The following ANO3 variants were observed in gnomAD, a reference collection of about 807,000 sequenced individuals.
ANO3 encodes anoctamin-3.
A neutral mutation model predicts 144.8 loss-of-function variants in ANO3; 99 were observed. The observed-to-expected ratio is 0.68, with a 90% CI of 0.58 to 0.81. ANO3 has a LOEUF of 0.81. ANO3 is among the 30% of genes least tolerant of loss of function. The pLI is 0.00. For synonymous variants in ANO3, 414 were observed against 392.6 expected (o/e 1.05, Z -0.64); for missense variants, 905 against 1,202.2 (o/e 0.75, Z 3.66).
Position 26,204,629 on chromosome 11 carries a change from C to T in ANO3, c.154+15299C>T, listed in dbSNP as rs115717451. 7.2e-3 allele frequency among the ~76,000 whole-genome samples: 1,089 copies of T among 152,234 alleles called. 13 individuals carry two copies. The highest frequency in any genetic ancestry group is 0.025 in the African/African-American group (1,032 of 41,542). On this transcript the variant is annotated intron_variant, in intron 1 of 27. Transcript: ENST00000672621. ...CCTCCTCCTTGCAGTCACACTCACT[C>T]TCTGGAGTAGTTTTCCTGATGCTGC...
intron 1 of ANO3, among the ~76,000 whole-genome samples, chr11:26,358,868 C>T (rs565688749): frequency 1.2e-4 from 18 of 152,158 alleles, no homozygotes; most frequent in Non-Finnish European, 2.6e-4. Flanking sequence ...GTCATTAATC[C>T]TATCCAGTGT....
At chr11:26,297,308 T>C (rs1422918008) in intron 1 of ANO3, among the ~76,000 whole-genome samples, 1 of 89,570 alleles carries the variant, frequency 1.1e-5, no homozygotes, top group Non-Finnish European at 2.0e-5. Context: ...TTCACTTTAT[T>C]AGTGAGCATT....
At chr11:26,289,787 A>C (rs1853911981) in intron 1 of ANO3, among the ~76,000 whole-genome samples, 1 of 146,722 alleles carries the variant, frequency 6.8e-6, no homozygotes, top group African/African-American at 2.5e-5. Context: ...GTATAATGCC[A>C]GTATATATAT....
At chr11:26,410,860 G>A (rs1324520622) in intron 1 of ANO3, among the ~76,000 whole-genome samples, 1 of 152,078 alleles carries the variant, frequency 6.6e-6, no homozygotes, top group East Asian at 1.9e-4. Flanking sequence ...TGTTAGAGGA[G>A]TATCAGTCAT....
intron 4 of ANO3, among the ~76,000 whole-genome samples, chr11:26,486,099 C>T (rs1483259010): frequency 6.6e-6 from 1 of 152,044 alleles, no homozygotes; most frequent in East Asian, 1.9e-4. Context: ...CGCGATGGCT[C>T]ATGCCTGTAA....
At chr11:26,401,340 T>C (rs1363145301) in intron 1 of ANO3, among the ~76,000 whole-genome samples, 1 of 152,014 alleles carries the variant, frequency 6.6e-6, no homozygotes, top group East Asian at 1.9e-4. Context: ...TCATTCTCTG[T>C]CATGACCTTA....
At chr11:26,463,742 A>G (rs1859500079) in intron 4 of ANO3, among the ~76,000 whole-genome samples, 1 of 151,882 alleles carries the variant, frequency 6.6e-6, no homozygotes, top group African/African-American at 2.4e-5. Flanking sequence ...CATCCCTCAA[A>G]CAAAATGCTT....
At chr11:26,460,217 A>G in intron 3 of ANO3, 3 of 353,692 alleles carry the variant, frequency 8.5e-6, no homozygotes, top group South Asian at 4.4e-5. Flanking sequence ...TACTTCTGTT[A>G]TATATTTTTT....
At chr11:26,397,545 A>G (rs1443614167) in intron 1 of ANO3, among the ~76,000 whole-genome samples, 2 of 152,140 alleles carry the variant, frequency 1.3e-5, no homozygotes, top group Non-Finnish European at 2.9e-5. Flanking sequence ...AATATTTTGT[A>G]TAATTTTTGT....
At chr11:26,648,689 G>GT (rs1853427784) in intron 24 of ANO3, among the ~76,000 whole-genome samples, 1 of 152,190 alleles carries the variant, frequency 6.6e-6, no homozygotes, top group Non-Finnish European at 1.5e-5. Flanking sequence ...GGGGAAAAAT[G>GT]TAAGAGGGCA....
At chr11:26,642,353 T>C (rs1456981208) in intron 22 of ANO3, among the ~76,000 whole-genome samples, 1 of 144,404 alleles carries the variant, frequency 6.9e-6, no homozygotes, top group African/African-American at 2.6e-5. Flanking sequence ...TTTTTTTTTT[T>C]TTTTTTTTTT....
intron 1 of ANO3, among the ~76,000 whole-genome samples, chr11:26,360,294 A>G (rs926548425): frequency 2.0e-5 from 3 of 149,732 alleles, no homozygotes; most frequent in African/African-American, 7.4e-5. Context: ...ATATTCATGG[A>G]TCCATGGCTG....
chr11:26,631,477 A>T (rs181387957), intron 18 of ANO3, among the ~76,000 whole-genome samples: 96 of 152,278 alleles, frequency 6.3e-4, no homozygotes, highest in African/African-American at 2.2e-3. Context: ...AATTTTTAAA[A>T]GTGTGTTTGT....
At chr11:26,627,096 C>T in intron 18 of ANO3, among the ~76,000 whole-genome samples, 1 of 151,812 alleles carries the variant, frequency 6.6e-6, no homozygotes, top group Admixed American at 6.6e-5. Context: ...ATTTTATTCT[C>T]TCGGTTTCTT....
At chr11:26,208,974 AC>A (rs1311520305) in intron 1 of ANO3, among the ~76,000 whole-genome samples, 1 of 152,144 alleles carries the variant, frequency 6.6e-6, no homozygotes, top group Non-Finnish European at 1.5e-5. Context: ...TTCAAGGTGA[AC>A]ATAAGAAGAA....
At chr11:26,244,427 A>ATCTTTGGATTATTTTTATACCACTT (rs1299049714) in intron 1 of ANO3, among the ~76,000 whole-genome samples, 1 of 152,162 alleles carries the variant, frequency 6.6e-6, no homozygotes, top group East Asian at 1.9e-4. Flanking sequence ...ATGTTACAAA[A>ATCTTTGGATTATTTTTATACCACTT]TCTTTGGATT....
chr11:26,633,120 A>G (rs7938755), intron 18 of ANO3, among the ~76,000 whole-genome samples: 74,299 of 151,784 alleles, frequency 0.49, 18,556 homozygotes, highest in Middle Eastern at 0.55. Flanking sequence ...TGTTTTCCTT[A>G]AATGAGATCC....
chr11:26,264,188 A>C (rs956950741), intron 1 of ANO3, among the ~76,000 whole-genome samples: 7 of 152,234 alleles, frequency 4.6e-5, no homozygotes, highest in African/African-American at 1.7e-4. Flanking sequence ...TAGATTTTGA[A>C]ATATTTCCAA....
At chr11:26,213,700 G>A (rs943698695) in intron 1 of ANO3, among the ~76,000 whole-genome samples, 1 of 152,038 alleles carries the variant, frequency 6.6e-6, no homozygotes, top group African/African-American at 2.4e-5. Context: ...TGGCCATAGT[G>A]CCCAAAGTAA....
Sources: allele counts gnomAD v4.1 joint callset (sites outside exome capture counted in the v4.1 genomes callset), GRCh38; gene constraint gnomAD v4.1.1; transcripts MANE v1.5; gene names NCBI Gene and HGNC (gene_info 2026-07-23, HGNC 2026-07-21).